IL23R: variants seen among roughly 807,000 people sequenced by gnomAD.
The protein encoded by IL23R is interleukin 23 receptor, also known as interleukin-23 receptor.
In IL23R, 34 loss-of-function variants were observed where a neutral mutation model predicts 56.9. The ratio of observed to expected loss-of-function variants is 0.60; its 90% CI spans 0.45 to 0.80. IL23R has a LOEUF of 0.80. Ranked by LOEUF, IL23R falls within the 30% of genes least tolerant of loss-of-function variation. The pLI, the probability that IL23R is intolerant of heterozygous loss-of-function variation, is 0.00. For missense variants in IL23R, 635 were observed against 730.0 expected (o/e 0.87, Z 1.50); for synonymous variants, 230 against 249.2 (o/e 0.92, Z 0.73).
chr1:67,139,523 T>A (rs1208440267), intron 1 of IL23R, among the ~76,000 whole-genome samples: 1 of 152,184 alleles, frequency 6.6e-6, no homozygotes, highest in Non-Finnish European at 1.5e-5. Flanking sequence ...AGTCCTAGGC[T>A]TTTTCCCCAT....
At chr1:67,222,686 G>C (rs907526776) in intron 7 of IL23R, among the ~76,000 whole-genome samples, 2 of 152,070 alleles carry the variant, frequency 1.3e-5, no homozygotes, top group Admixed American at 1.3e-4. Flanking sequence ...TGTAATTAGC[G>C]CTACTTTACA....
chr1:67,234,915 C>T (rs1203885323), intron 7 of IL23R, among the ~76,000 whole-genome samples: 2 of 151,970 alleles, frequency 1.3e-5, no homozygotes, highest in Non-Finnish European at 2.9e-5. Context: ...ACCATATTGG[C>T]CAGGCTGATC....
chr1:67,149,603 G>A (rs756461739), intron 1 of IL23R, among the ~76,000 whole-genome samples: 5 of 151,974 alleles, frequency 3.3e-5, no homozygotes, highest in Non-Finnish European at 7.4e-5. Context: ...AATTAAAGTG[G>A]TCCCCCTGCC....
chr1:67,259,349 G>A lies in IL23R; in HGVS notation c.*221G>A. ...TTCAGTTCTACCAATCTTGTTTCCA[G>A]AGTAGTGACATTTCTGTGCTCCTAC... On this transcript the variant is annotated 3_prime_UTR_variant, in exon 11 of 11. Transcript: ENST00000347310. 1.8e-6 allele frequency: 1 copy of A among 542,606 alleles called. No individual in the cohort carries two copies. 33.6% of individuals were successfully genotyped at this position (542,606 alleles called of 1,614,324 possible).
At chr1:67,182,706 ATCGT>A in intron 3 of IL23R, 126 bp from the exon 4 acceptor site, 1 of 931,312 alleles carries the variant, frequency 1.1e-6, no homozygotes, top group Non-Finnish European at 1.7e-6. Flanking sequence ...AAATGAAGAA[ATCGT>A]TCGTCTTCTG....
At chr1:67,254,182 C>T (rs953873816) in intron 9 of IL23R, among the ~76,000 whole-genome samples, 4 of 151,962 alleles carry the variant, frequency 2.6e-5, no homozygotes, top group Non-Finnish European at 5.9e-5. Context: ...GATTCTCATG[C>T]CTCAGCCTCC....
intron 6 of IL23R, chr1:67,207,622 T>C: frequency 2.5e-6 from 1 of 396,722 alleles, no homozygotes; most frequent in Non-Finnish European, 4.9e-6. Context: ...CTTCCTCATT[T>C]TCTCTTGCCA....
intron 1 of IL23R, among the ~76,000 whole-genome samples, chr1:67,152,436 T>A (rs1255872102): frequency 1.3e-5 from 2 of 152,204 alleles, no homozygotes; most frequent in East Asian, 3.8e-4. Flanking sequence ...CCTATTTGAA[T>A]ACTTTTATAT....
intron 7 of IL23R, among the ~76,000 whole-genome samples, chr1:67,223,082 C>T (rs1570881505): frequency 6.6e-6 from 1 of 151,846 alleles, no homozygotes. Context: ...GGTGAAACCC[C>T]GTCTCTACTA....
intron 4 of IL23R, among the ~76,000 whole-genome samples, chr1:67,189,217 T>C (rs888264364): frequency 6.6e-6 from 1 of 152,150 alleles, no homozygotes; most frequent in African/African-American, 2.4e-5. Flanking sequence ...ATTTTTTCAT[T>C]GCTATGTTGA....
intron 3 of IL23R, among the ~76,000 whole-genome samples, chr1:67,182,093 G>A (rs1176996237): frequency 2.0e-5 from 3 of 152,244 alleles, no homozygotes; most frequent in Non-Finnish European, 2.9e-5. Context: ...ACCCACTTGA[G>A]GAGGCAGTCT....
intron 9 of IL23R, among the ~76,000 whole-genome samples, chr1:67,244,543 T>TC (rs1180246149): frequency 5.3e-5 from 8 of 152,086 alleles, no homozygotes; most frequent in African/African-American, 1.7e-4. Context: ...CTAGCCAGTT[T>TC]CCCAACACAA....
chr1:67,218,876 C>T (rs542791699), intron 6 of IL23R, among the ~76,000 whole-genome samples: 6 of 151,538 alleles, frequency 4.0e-5, no homozygotes, highest in South Asian at 2.1e-4. Context: ...GAGCTGTGAT[C>T]GAGCCACTGC....
intron 3 of IL23R, among the ~76,000 whole-genome samples, chr1:67,175,204 G>T (rs1427716808): frequency 6.6e-6 from 1 of 152,042 alleles, no homozygotes; most frequent in Non-Finnish European, 1.5e-5. Context: ...AAAAATGTTT[G>T]CCATAACATG....
chr1:67,144,252 C>G (rs1441433497), intron 1 of IL23R, among the ~76,000 whole-genome samples: 1 of 152,214 alleles, frequency 6.6e-6, no homozygotes, highest in Non-Finnish European at 1.5e-5. Flanking sequence ...CAGCGAAGCT[C>G]TTGAATTAAT....
Position 67,258,638 on chromosome 1 carries a change from C to G in IL23R, c.1400C>G (p.Ser467Trp), listed in dbSNP as rs772901651. The change falls in exon 11 of 11, where the codon TCG becomes TGG. Residue 467 changes from serine to tryptophan, a missense_variant. Coordinates refer to ENST00000347310, the MANE Select transcript of IL23R (RefSeq NM_144701.3). ...PLETRDYPQN[S>W]LFDNTTVVYI... ...GAGACAAGAGACTACCCGCAAAACTCGCTATTCGACAATACTACAGTTGTA... is the reference window on the plus strand; with the variant it reads ...GAGACAAGAGACTACCCGCAAAACTGGCTATTCGACAATACTACAGTTGTA... The G allele has an allele frequency of 6.2e-7, 1 of 1,613,864 alleles. No individual in the cohort carries two copies. The highest frequency in any genetic ancestry group is 1.1e-5 in the South Asian group (1 of 91,028).
chr1:67,245,745 A>G (rs562640518), intron 9 of IL23R, among the ~76,000 whole-genome samples: 17 of 152,266 alleles, frequency 1.1e-4, no homozygotes, highest in Non-Finnish European at 2.4e-4. Context: ...ATCGATGTTT[A>G]TCAGGGATAT....
intron 6 of IL23R, among the ~76,000 whole-genome samples, chr1:67,208,205 G>T (rs553192468): frequency 2.0e-5 from 3 of 152,156 alleles, no homozygotes; most frequent in Non-Finnish European, 2.9e-5. Context: ...AGTTTTAAAA[G>T]GGAAACAGAA....
intron 1 of IL23R, among the ~76,000 whole-genome samples, chr1:67,154,968 C>T (rs1163890316): frequency 1.3e-5 from 2 of 151,936 alleles, no homozygotes; most frequent in Non-Finnish European, 2.9e-5. Flanking sequence ...TTCAGGAGCT[C>T]TTGTAAGACA....
Sources: gnomAD v4.1 joint callset for allele counts (sites outside exome capture counted in the v4.1 genomes callset) on GRCh38, gnomAD v4.1.1 for gene constraint, MANE v1.5 for transcripts, NCBI Gene and HGNC (gene_info 2026-07-23, HGNC 2026-07-21) for gene names.